PRSS56: variants seen among roughly 807,000 people sequenced by gnomAD.
PRSS56 encodes the protein serine protease 56.
In PRSS56, 55 loss-of-function variants were observed where a neutral mutation model predicts 66.8. The observed-to-expected ratio is 0.82, with a 90% CI of 0.66 to 1.03. The LOEUF (loss-of-function observed/expected upper bound fraction) is 1.03. PRSS56 is among the 50% of genes least tolerant of loss of function. The pLI, the probability that PRSS56 is intolerant of heterozygous loss-of-function variation, is 0.00. For synonymous variants in PRSS56, 409 were observed against 387.9 expected (o/e 1.05, Z -0.64); for missense variants, 869 against 837.2 (o/e 1.04, Z -0.47).
chr2:232,522,238 G>C (rs1691295525), intron 4 of PRSS56, 78 bp downstream of exon 4: 2 of 1,288,242 alleles, frequency 1.6e-6, no homozygotes, highest in Admixed American at 6.8e-5. Flanking sequence ...TCCGGCGGGC[G>C]ACGCGCGGGA....
intron 1 of PRSS56, 43 bp from the exon 2 acceptor site, chr2:232,521,278 T>C: frequency 6.9e-7 from 1 of 1,456,612 alleles, no homozygotes; most frequent in South Asian, 1.2e-5. Context: ...AGGCTGAGGC[T>C]CTTCCCCAAC....
intron 5 of PRSS56, 24 bp downstream of exon 5, chr2:232,522,638 C>T (rs775360666): frequency 9.3e-5 from 143 of 1,532,394 alleles, no homozygotes; most frequent in Non-Finnish European, 1.2e-4. Context: ...CCCCAGGCCC[C>T]CAAGGCTGGG....
intron 8 of PRSS56, 63 bp from the exon 9 acceptor site, chr2:232,523,709 A>G (rs1691335275): frequency 6.5e-7 from 1 of 1,528,316 alleles, no homozygotes; most frequent in Non-Finnish European, 8.8e-7. Flanking sequence ...CCTTCCGGGG[A>G]AGGAGTGAGG....
Position 232,521,967 on chromosome 2 carries a change from C to T in PRSS56, c.257-4C>T. ...CCCTCGTGACACCCCTTGCCCCTTT[C>T]TAGGGCCGTGCGGCGAGAGGCGTCC... On this transcript the variant is annotated splice_polypyrimidine_tract_variant and splice_region_variant and intron_variant, in intron 3 of 12. Coordinates refer to ENST00000617714, the MANE Select transcript of PRSS56 (RefSeq NM_001195129.2). 1.4e-6 allele frequency: 2 copies of T among 1,479,058 alleles called. No individual in the cohort carries two copies. The highest frequency in any genetic ancestry group is 1.3e-5 in the South Asian group (1 of 75,472). 91.6% of individuals were successfully genotyped at this position (1,479,058 alleles called of 1,614,324 possible).
chr2:232,520,757 G>T, intron 1 of PRSS56, 62 bp downstream of exon 1: 1 of 1,131,110 alleles, frequency 8.8e-7, no homozygotes, highest in Non-Finnish European at 1.3e-6. Context: ...GTGGGACCCT[G>T]GGCGGGCGGG....
chr2:232,522,912 G>T (rs1484768838), intron 6 of PRSS56, 51 bp downstream of exon 6: 8 of 1,455,072 alleles, frequency 5.5e-6, no homozygotes, highest in Non-Finnish European at 7.2e-6. Flanking sequence ...GGGGGTCCGA[G>T]GTAATAGAGT....
At position 232,523,869 on chromosome 2, in the gene PRSS56, C is replaced by A. The variant is rs1308163769; in HGVS notation, c.1110C>A (p.Ala370=). Residue 370 remains alanine (A), a synonymous_variant, in exon 9 of 13, where the codon GCC becomes GCA. Coordinates refer to ENST00000617714, the MANE Select transcript of PRSS56 (RefSeq NM_001195129.2). ...ADAARLCAFY[A]RLCPGSQGAC... Reference sequence around the variant, plus strand: ...CCGCCCGGCTCTGCGCCTTCTATGCCCGCCTGTGCCCGGGGTCCCAGGGCG... The same window carrying A: ...CCGCCCGGCTCTGCGCCTTCTATGCACGCCTGTGCCCGGGGTCCCAGGGCG... The A allele has an allele frequency of 1.3e-6, 2 of 1,530,282 alleles. No homozygotes were observed. Among genetic ancestry groups the A allele is most frequent in the South Asian group, 1.2e-5 (1 of 83,812 alleles). 94.8% of individuals were successfully genotyped at this position (1,530,282 alleles called of 1,614,324 possible).
chr2:232,523,018 C>A lies in PRSS56; in HGVS notation c.707-42C>A, dbSNP rs907431050. ...TGGGAAGGGGACCCTCAAGGCGGGG[C>A]TCTTGCCCTCCAAACCTGAGCCTTC... On this transcript the variant is annotated intron_variant, in intron 6 of 12. Coordinates refer to ENST00000617714, the MANE Select transcript of PRSS56 (RefSeq NM_001195129.2). The A allele has an allele frequency of 3.9e-6, 6 of 1,526,704 alleles. No individual in the cohort carries two copies. In the African/African-American group the frequency reaches 8.3e-5, roughly 21 times the overall value. 94.6% of individuals were successfully genotyped at this position (1,526,704 alleles called of 1,614,324 possible).
At chr2:232,524,396 G>C in intron 11 of PRSS56, 27 bp downstream of exon 11, 1 of 1,532,148 alleles carries the variant, frequency 6.5e-7, no homozygotes, top group Non-Finnish European at 8.7e-7. Context: ...CCGACCTTCA[G>C]GAGGGGATAG....
In PRSS56 at chr2:232,521,844, C is replaced by T; in HGVS notation, c.234C>T (p.Leu78=). Residue 78 remains leucine (L), a synonymous_variant, in exon 3 of 13, where the codon CTC becomes CTT. Transcript: ENST00000617714. ...RGSGRPRPQA[L]LQDPPEPGPC... The stretch of plus-strand genomic sequence containing the variant: ...CTGGGCGCCCCAGGCCTCAAGCTCT[C>T]CTCCAGGACCCACCTGAGCCAGGTG... The T allele has an allele frequency of 6.5e-7, 1 of 1,536,030 alleles. No homozygotes were observed. Among genetic ancestry groups the T allele is most frequent in the Non-Finnish European group, 8.7e-7 (1 of 1,146,822 alleles).
intron 11 of PRSS56, 22 bp from the exon 12 acceptor site, chr2:232,524,716 G>A: frequency 2.0e-6 from 3 of 1,486,572 alleles, no homozygotes; most frequent in Non-Finnish European, 1.8e-6. Context: ...CATTATTCCC[G>A]GGGCCTCTCC....
intron 1 of PRSS56, 83 bp downstream of exon 1, chr2:232,520,778 C>T: frequency 2.3e-6 from 2 of 861,054 alleles, no homozygotes; most frequent in East Asian, 2.7e-5. Flanking sequence ...GACAGAAGAG[C>T]TTGTCACCCC....
At position 232,521,369 on chromosome 2, in the gene PRSS56, C is replaced by T. The variant is rs778020168; in HGVS notation, c.146C>T (p.Ala49Val). ...GCGTTGCAGGCAGCCCAGAGGAGCG[C>T]CCAGTGGGCAATAAACCGAGTGGCG... ...TQALQAAQRSAQWAINRVAME... is the reference protein window; with the variant it reads ...TQALQAAQRSVQWAINRVAME... Residue 49 changes from alanine (A) to valine (V), a missense_variant, in exon 2 of 13, where the codon GCC becomes GTC. Ala to Val is a moderately conservative substitution (Grantham distance 64, BLOSUM62 0). This residue lies in a region of PRSS56 where 315 missense variants were observed against 313.7 expected (regional missense o/e 1.00). Coordinates refer to ENST00000617714, the MANE Select transcript of PRSS56 (RefSeq NM_001195129.2). 2.0e-6 allele frequency: 3 copies of T among 1,536,158 alleles called. No homozygotes were observed. Among genetic ancestry groups the T allele is most frequent in the South Asian group, 1.2e-5 (1 of 84,064 alleles).
rs1345212933 is a variant in PRSS56 at position 232,525,535 on chromosome 2, A to G, written c.*29A>G. On this transcript the variant is annotated 3_prime_UTR_variant, in exon 13 of 13. Coordinates refer to ENST00000617714, the MANE Select transcript of PRSS56 (RefSeq NM_001195129.2). ...ATGTCTGGGCCCCCAGCCCCTGGGG[A>G]GGACCTACTGCTCCCAGGGGCTGAG... 4.0e-6 allele frequency: 5 copies of G among 1,260,110 alleles called. No homozygotes were observed. Among genetic ancestry groups the G allele is most frequent in the Non-Finnish European group, 5.1e-6 (5 of 982,652 alleles). 78.1% of individuals were successfully genotyped at this position (1,260,110 alleles called of 1,614,324 possible). A position where few individuals can be genotyped will look rare whatever the true frequency, so the allele number is the denominator to read the frequency against.
chr2:232,520,815 T>G (rs1043559805), intron 1 of PRSS56, 120 bp downstream of exon 1: 1 of 627,742 alleles, frequency 1.6e-6, no homozygotes. Flanking sequence ...TGGCTCCTTC[T>G]GCCCACCCTG....
Position 232,521,961 on chromosome 2 carries a change from C to T in PRSS56, c.257-10C>T. 1 of 1,497,430 alleles carries T rather than the reference C, an allele frequency of 6.7e-7. No individual in the cohort carries two copies. Among genetic ancestry groups the T allele is most frequent in the Non-Finnish European group, 8.9e-7 (1 of 1,125,224 alleles). The allele number at this position is 1,497,430 out of a possible 1,614,324, so 92.8% of individuals were successfully genotyped here. A position where few individuals can be genotyped will look rare whatever the true frequency, so the allele number is the denominator to read the frequency against. ...ACATGTCCCTCGTGACACCCCTTGCCCCTTTCTAGGGCCGTGCGGCGAGAG... is the reference window on the plus strand; with the variant it reads ...ACATGTCCCTCGTGACACCCCTTGCTCCTTTCTAGGGCCGTGCGGCGAGAG... On this transcript the variant is annotated splice_polypyrimidine_tract_variant and intron_variant, in intron 3 of 12. Transcript: ENST00000617714.
Position 232,520,397 on chromosome 2 carries a change from G to A in PRSS56, c.-202G>A. The A allele has an allele frequency of 1.6e-6, 1 of 617,542 alleles. No homozygotes were observed. The highest frequency in any genetic ancestry group is 1.8e-5 in the South Asian group (1 of 54,202). 38.3% of individuals were successfully genotyped at this position (617,542 alleles called of 1,614,324 possible). A position where few individuals can be genotyped will look rare whatever the true frequency, so the allele number is the denominator to read the frequency against. On this transcript the variant is annotated 5_prime_UTR_variant, in exon 1 of 13. Transcript: ENST00000617714. Reference sequence around the variant, plus strand: ...AGCCCCATTCCCCTGTGGGCTCCTAGGAGTTAAGGGCCAGGTGAGGGCTGA... The same window carrying A: ...AGCCCCATTCCCCTGTGGGCTCCTAAGAGTTAAGGGCCAGGTGAGGGCTGA...
rs1216596607 is a variant in PRSS56 at position 232,521,975 on chromosome 2, G to A, written c.261G>A (p.Pro87=). Reference sequence around the variant, plus strand: ...ACACCCCTTGCCCCTTTCTAGGGCCGTGCGGCGAGAGGCGTCCGAGCACTG... The same window carrying A: ...ACACCCCTTGCCCCTTTCTAGGGCCATGCGGCGAGAGGCGTCCGAGCACTG... The part of the protein sequence containing the change: ...ALLQDPPEPG[P]CGERRPSTAN... Residue 87 remains proline, a synonymous_variant, in exon 4 of 13, where the codon CCG becomes CCA. Transcript: ENST00000617714. 9 of 1,470,020 alleles carry A rather than the reference G, an allele frequency of 6.1e-6. No homozygotes were observed. In the Admixed American group the frequency reaches 1.2e-4, roughly 19 times the overall value. 91.1% of individuals were successfully genotyped at this position (1,470,020 alleles called of 1,614,324 possible). A position where few individuals can be genotyped will look rare whatever the true frequency, so the allele number is the denominator to read the frequency against.
chr2:232,521,926 G>A (rs1242898642), intron 3 of PRSS56, 45 bp from the exon 4 acceptor site: 3 of 1,524,418 alleles, frequency 2.0e-6, no homozygotes, highest in Non-Finnish European at 2.6e-6. Flanking sequence ...CGAAGGCGAG[G>A]ATGGCCAGAA....
Sources: allele counts gnomAD v4.1 joint callset, GRCh38; gene constraint gnomAD v4.1.1; regional missense constraint gnomAD v4.1.1; transcripts MANE v1.5; gene names NCBI Gene and HGNC (gene_info 2026-07-23, HGNC 2026-07-21).